MLLT3: variants seen among roughly 807,000 people sequenced by gnomAD.
MLLT3 encodes protein AF-9.
A neutral mutation model predicts 53.2 loss-of-function variants in MLLT3; 4 were observed. That is an observed-to-expected ratio of 0.08 (90% confidence interval 0.04 to 0.17). The LOEUF (loss-of-function observed/expected upper bound fraction) is 0.17. Ranked by LOEUF, MLLT3 falls within the 10% of genes least tolerant of loss-of-function variation. The pLI is 1.00. For synonymous variants in MLLT3, 283 were observed against 230.6 expected (o/e 1.23, Z -2.06); for missense variants, 569 against 684.0 (o/e 0.83, Z 1.87).
intron 2 of MLLT3, among the ~76,000 whole-genome samples, chr9:20,603,478 A>G (rs1820486746): frequency 6.6e-6 from 1 of 152,078 alleles, no homozygotes; most frequent in Admixed American, 6.6e-5. Context: ...AACATACAAC[A>G]AAATTCTCAA....
chr9:20,529,724 CTTTTTTTTTTTT>C lies in MLLT3; in HGVS notation c.194-72950_194-72939del, dbSNP rs5896896. ...ACTAGAAAAGATGATTAATCCAATC[CTTTTTTTTTTTT>C]TTTTTTTTTTTTGGTAGGGATGGGG... On this transcript the variant is annotated intron_variant, in intron 2 of 10. Coordinates refer to ENST00000380338, the MANE Select transcript of MLLT3 (RefSeq NM_004529.4). 3.9e-5 allele frequency among the ~76,000 whole-genome samples: 3 copies of C among 76,418 alleles called. No homozygotes were observed. In the East Asian group the frequency reaches 1.2e-3, roughly 31 times the overall value. 50.1% of individuals were successfully genotyped at this position (76,418 alleles called of 152,430 possible). A position where few individuals can be genotyped will look rare whatever the true frequency, so the allele number is the denominator to read the frequency against.
Position 20,458,211 on chromosome 9 carries a change from G to C in MLLT3, c.194-1425C>G, listed in dbSNP as rs1009934738. ...TATCCTCCCAAAAAGTTAACTGCCTGAATCAGTACCTTGACACTGAACAGA... is the reference window on the plus strand; with the variant it reads ...TATCCTCCCAAAAAGTTAACTGCCTCAATCAGTACCTTGACACTGAACAGA... On this transcript the variant is annotated intron_variant, in intron 2 of 10. Coordinates refer to ENST00000380338, the MANE Select transcript of MLLT3 (RefSeq NM_004529.4). Among the ~76,000 whole-genome samples, 4 of 152,128 alleles carry C rather than the reference G, an allele frequency of 2.6e-5. No homozygotes were observed. In the South Asian group the frequency reaches 6.2e-4, roughly 24 times the overall value.
chr9:20,377,279 T>C (rs563070720), intron 5 of MLLT3, among the ~76,000 whole-genome samples: 112 of 152,296 alleles, frequency 7.4e-4, no homozygotes, highest in Non-Finnish European at 1.4e-3. Flanking sequence ...GAAGTAACCC[T>C]CCTGTGCAGA....
intron 2 of MLLT3, among the ~76,000 whole-genome samples, chr9:20,594,871 C>G (rs1042232885): frequency 6.6e-6 from 1 of 152,182 alleles, no homozygotes; most frequent in Non-Finnish European, 1.5e-5. Context: ...GAGGAACCCT[C>G]AGTTCCAGGA....
chr9:20,483,869 G>C (rs1303968886), intron 2 of MLLT3, among the ~76,000 whole-genome samples: 1 of 75,756 alleles, frequency 1.3e-5, no homozygotes, highest in Non-Finnish European at 2.5e-5. Context: ...CACCACGCAA[G>C]TCTAATTTTT....
rs57054758 is a variant in MLLT3 at position 20,423,652 on chromosome 9, T to TAA, written c.421-9229_421-9228dup. 1.1e-3 allele frequency among the ~76,000 whole-genome samples: 153 copies of TAA among 144,610 alleles called. 2 individuals carry two copies. Among genetic ancestry groups the TAA allele is most frequent in the Admixed American group, 8.8e-3 (128 of 14,624 alleles). The allele number at this position is 144,610 out of a possible 152,430, so 94.9% of individuals were successfully genotyped here. A position where few individuals can be genotyped will look rare whatever the true frequency, so the allele number is the denominator to read the frequency against. On this transcript the variant is annotated intron_variant, in intron 4 of 10. Transcript: ENST00000380338. ...ACACAGTGAGACCCTATCTCTACATTAAAAAAAAAAAATTAGCCAGGCGTA... is the reference window on the plus strand; with the variant it reads ...ACACAGTGAGACCCTATCTCTACATTAAAAAAAAAAAAAATTAGCCAGGCGTA...
chr9:20,444,805 G>A (rs949668062), intron 4 of MLLT3, among the ~76,000 whole-genome samples: 2 of 152,154 alleles, frequency 1.3e-5, no homozygotes, highest in African/African-American at 4.8e-5. Flanking sequence ...CCAGGAGGTT[G>A]AGGCTGCAGT....
chr9:20,363,957 G>A (rs1821387183), intron 6 of MLLT3, among the ~76,000 whole-genome samples: 1 of 152,304 alleles, frequency 6.6e-6, no homozygotes, highest in African/African-American at 2.4e-5. Context: ...GAGAAGTTGA[G>A]ATTAATAAAT....
chr9:20,488,738 G>A (rs965376235), intron 2 of MLLT3, among the ~76,000 whole-genome samples: 1 of 152,182 alleles, frequency 6.6e-6, no homozygotes, highest in African/African-American at 2.4e-5. Context: ...CTGAAAAGTG[G>A]TTAATGTAAA....
intron 7 of MLLT3, chr9:20,362,706 CTTTTTTTTTTTT>C (rs989895694): frequency 3.0e-5 from 3 of 99,712 alleles, no homozygotes; most frequent in South Asian, 3.4e-4. Context: ...GTTAAGACCG[CTTTTTTTTTTTT>C]TTTTTTTTTT....
Position 20,345,413 on chromosome 9 carries a change from A to G in MLLT3, c.*1030T>C, listed in dbSNP as rs1336916522. ...ATGAGTAACACACTGGCAGCTGAAGAAAGCTGAAACTCTGACTAATAAATA... is the reference window on the plus strand; with the variant it reads ...ATGAGTAACACACTGGCAGCTGAAGGAAGCTGAAACTCTGACTAATAAATA... On this transcript the variant is annotated 3_prime_UTR_variant, in exon 11 of 11. Coordinates refer to ENST00000380338, the MANE Select transcript of MLLT3 (RefSeq NM_004529.4). The G allele has an allele frequency of 4.7e-6, 1 of 212,044 alleles. No individual in the cohort carries two copies. 13.1% of individuals were successfully genotyped at this position (212,044 alleles called of 1,614,324 possible). A position where few individuals can be genotyped will look rare whatever the true frequency, so the allele number is the denominator to read the frequency against.
chr9:20,388,289 T>C (rs1822090770), intron 5 of MLLT3, among the ~76,000 whole-genome samples: 1 of 152,202 alleles, frequency 6.6e-6, no homozygotes, highest in African/African-American at 2.4e-5. Flanking sequence ...TTTTTGTTTA[T>C]AAAGAAAGCT....
intron 2 of MLLT3, among the ~76,000 whole-genome samples, chr9:20,556,569 G>T (rs1240748916): frequency 6.6e-6 from 1 of 152,084 alleles, no homozygotes; most frequent in African/African-American, 2.4e-5. Context: ...TGTAATCCCA[G>T]CTACTCAGGA....
chr9:20,578,851 A>G (rs1309503376), intron 2 of MLLT3, among the ~76,000 whole-genome samples: 1 of 152,158 alleles, frequency 6.6e-6, no homozygotes, highest in Non-Finnish European at 1.5e-5. Flanking sequence ...ATACTTTATT[A>G]ATTATTTATA....
intron 2 of MLLT3, among the ~76,000 whole-genome samples, chr9:20,542,304 G>A (rs545561543): frequency 1.7e-3 from 249 of 145,912 alleles, no homozygotes; most frequent in African/African-American, 4.9e-3. Context: ...ACTGCGGACC[G>A]CAGTGGCGCA....
At chr9:20,520,668 A>G (rs1818034458) in intron 2 of MLLT3, among the ~76,000 whole-genome samples, 1 of 152,248 alleles carries the variant, frequency 6.6e-6, no homozygotes, top group Non-Finnish European at 1.5e-5. Flanking sequence ...GAGACAGTAC[A>G]GACTTCCCTA....
At chr9:20,550,750 T>C (rs1170003922) in intron 2 of MLLT3, among the ~76,000 whole-genome samples, 1 of 152,042 alleles carries the variant, frequency 6.6e-6, no homozygotes, top group African/African-American at 2.4e-5. Context: ...CAAAGTCTTA[T>C]TTATTTTATT....
At chr9:20,606,756 C>A (rs1820581546) in intron 2 of MLLT3, among the ~76,000 whole-genome samples, 1 of 152,006 alleles carries the variant, frequency 6.6e-6, no homozygotes. Context: ...GGGTACTGCA[C>A]CCTGTCTCTT....
intron 4 of MLLT3, among the ~76,000 whole-genome samples, chr9:20,434,761 C>T (rs1040886035): frequency 1.3e-5 from 2 of 152,038 alleles, no homozygotes; most frequent in African/African-American, 4.8e-5. Flanking sequence ...ATATCACACA[C>T]AAAAACAGAG....
Sources: gnomAD v4.1 joint callset for allele counts (sites outside exome capture counted in the v4.1 genomes callset) on GRCh38, gnomAD v4.1.1 for gene constraint, MANE v1.5 for transcripts, NCBI Gene and HGNC (gene_info 2026-07-23, HGNC 2026-07-21) for gene names.